RAB6A: variants seen among roughly 807,000 people sequenced by gnomAD.
RAB6A encodes ras-related protein Rab-6A.
In RAB6A, 8 loss-of-function variants were observed where a neutral mutation model predicts 32.3. The observed-to-expected ratio is 0.25, with a 90% CI of 0.15 to 0.45. RAB6A has a LOEUF of 0.45. Among genes scored for constraint, RAB6A ranks in the 20% least tolerant of loss-of-function variants. RAB6A has a pLI of 1.00. For missense variants in RAB6A, 104 were observed against 249.4 expected (o/e 0.42, Z 3.93); for synonymous variants, 73 against 82.1 (o/e 0.89, Z 0.60).
chr11:73,742,767 C>G (rs1380211010), intron 1 of RAB6A, among the ~76,000 whole-genome samples: 1 of 151,896 alleles, frequency 6.6e-6, no homozygotes, highest in Non-Finnish European at 1.5e-5. Context: ...TCGAGATTGC[C>G]CCATTGACTC....
intron 1 of RAB6A, among the ~76,000 whole-genome samples, chr11:73,744,022 T>C (rs900518113): frequency 2.0e-5 from 3 of 151,932 alleles, no homozygotes; most frequent in African/African-American, 4.8e-5. Context: ...ATGGACAACA[T>C]GGCAAGACCC....
rs1368458188 is a variant in RAB6A at position 73,676,401 on chromosome 11, T to C, written c.*1497A>G. ...AGGGCACACTCCTAGTATATTTGTT[T>C]GCAGTGTTTTAAGGGAAATACATAT... On this transcript the variant is annotated 3_prime_UTR_variant, in exon 8 of 8. Coordinates refer to ENST00000336083, the MANE Select transcript of RAB6A (RefSeq NM_198896.2). 1.2e-5 allele frequency: 2 copies of C among 167,020 alleles called. No individual in the cohort carries two copies. The highest frequency in any genetic ancestry group is 1.3e-4 in the Admixed American group (2 of 15,274). The allele number at this position is 167,020 out of a possible 1,614,324, so 10.3% of individuals were successfully genotyped here.
chr11:73,723,580 C>T (rs376272186), intron 2 of RAB6A, among the ~76,000 whole-genome samples: 42 of 152,142 alleles, frequency 2.8e-4, no homozygotes, highest in Non-Finnish European at 1.3e-4. Flanking sequence ...CTGCCCACCT[C>T]GGCCTCCCAA....
chr11:73,758,538 G>C (rs61903178), intron 1 of RAB6A, among the ~76,000 whole-genome samples: 24 of 152,026 alleles, frequency 1.6e-4, no homozygotes, highest in Non-Finnish European at 3.5e-4. Flanking sequence ...GGAGGGGGGA[G>C]GGTAGTAGAG....
intron 1 of RAB6A, among the ~76,000 whole-genome samples, chr11:73,744,856 T>C (rs545554221): frequency 6.6e-6 from 1 of 151,748 alleles, no homozygotes; most frequent in Non-Finnish European, 1.5e-5. Context: ...ACACCTGTAG[T>C]CCCAGCTACT....
At chr11:73,726,423 A>G (rs1946221709) in intron 2 of RAB6A, among the ~76,000 whole-genome samples, 1 of 151,524 alleles carries the variant, frequency 6.6e-6, no homozygotes, top group South Asian at 2.1e-4. Context: ...TCTACTAAAA[A>G]TACAAAAAAT....
intron 1 of RAB6A, among the ~76,000 whole-genome samples, chr11:73,744,011 C>T (rs762975521): frequency 2.0e-5 from 3 of 152,034 alleles, no homozygotes; most frequent in Non-Finnish European, 4.4e-5. Context: ...AAAAGTTCAA[C>T]ATGGACAACA....
chr11:73,739,263 T>TAAAAAAAAA (rs58629008), intron 1 of RAB6A, among the ~76,000 whole-genome samples: 13 of 9,380 alleles, frequency 1.4e-3, no homozygotes, highest in African/African-American at 2.9e-3. Flanking sequence ...TAATAATAAT[T>TAAAAAAAAA]AAAAAAAAAA....
intron 5 of RAB6A, among the ~76,000 whole-genome samples, chr11:73,709,320 G>A (rs1187248915): frequency 6.6e-6 from 1 of 151,738 alleles, no homozygotes; most frequent in African/African-American, 2.4e-5. Flanking sequence ...TGGTTATCCT[G>A]AGGTACTTAG....
At chr11:73,701,968 A>T (rs1945753129) in intron 6 of RAB6A, among the ~76,000 whole-genome samples, 1 of 152,136 alleles carries the variant, frequency 6.6e-6, no homozygotes, top group African/African-American at 2.4e-5. Flanking sequence ...TTCTTTACAT[A>T]CAAAAAGTCA....
chr11:73,739,263 TAA>T (rs58629008), intron 1 of RAB6A, among the ~76,000 whole-genome samples: 1,484 of 9,384 alleles, frequency 0.16, 139 homozygotes, highest in Middle Eastern at 0.28. Context: ...TAATAATAAT[TAA>T]AAAAAAAAAA....
In RAB6A at chr11:73,676,244, T is replaced by C. The variant is rs1467286041; in HGVS notation, c.*1654A>G. ...CTTTTCATCTTTATACTGTGTTAAG[T>C]AATGCTTACAACATAAATTCAGCAG... On this transcript the variant is annotated 3_prime_UTR_variant, in exon 8 of 8. Transcript: ENST00000336083. 2 of 167,114 alleles carry C rather than the reference T, an allele frequency of 1.2e-5. No individual in the cohort carries two copies. The highest frequency in any genetic ancestry group is 4.8e-5 in the African/African-American group (2 of 41,460). The allele number at this position is 167,114 out of a possible 1,614,324, so 10.4% of individuals were successfully genotyped here. A position where few individuals can be genotyped will look rare whatever the true frequency, so the allele number is the denominator to read the frequency against.
At position 73,760,752 on chromosome 11, in the gene RAB6A, T is replaced by A; in HGVS notation, c.-117A>T. ...GCGGGCACCGAGCTCTCTCGGCCCC[T>A]GCAAGGCCCGGTGGAGGAGCCCGGC... On this transcript the variant is annotated 5_prime_UTR_variant, in exon 1 of 8. Transcript: ENST00000336083. 5 of 1,433,288 alleles carry A rather than the reference T, an allele frequency of 3.5e-6. No individual in the cohort carries two copies. Among genetic ancestry groups the A allele is most frequent in the Non-Finnish European group, 4.7e-6 (5 of 1,055,750 alleles). The allele number at this position is 1,433,288 out of a possible 1,614,324, so 88.8% of individuals were successfully genotyped here. A position where few individuals can be genotyped will look rare whatever the true frequency, so the allele number is the denominator to read the frequency against.
chr11:73,688,670 A>C (rs1945497819), intron 6 of RAB6A, among the ~76,000 whole-genome samples: 1 of 152,198 alleles, frequency 6.6e-6, no homozygotes, highest in African/African-American at 2.4e-5. Context: ...TCTTACCCCC[A>C]AATAACATTC....
intron 6 of RAB6A, among the ~76,000 whole-genome samples, chr11:73,689,158 CTA>C (rs1010106527): frequency 1.4e-4 from 21 of 152,228 alleles, no homozygotes; most frequent in African/African-American, 5.1e-4. Flanking sequence ...GGGCAGCCAC[CTA>C]TGAGACTTCA....
At chr11:73,721,469 G>A (rs1946132089) in intron 2 of RAB6A, among the ~76,000 whole-genome samples, 1 of 152,080 alleles carries the variant, frequency 6.6e-6, no homozygotes, top group African/African-American at 2.4e-5. Context: ...TCCTTCTGTG[G>A]TGAAAACAAA....
At chr11:73,760,483 CCTCCGCGGACGGAAGGGCCG>C in intron 1 of RAB6A, 63 bp downstream of exon 1, 2 of 1,496,844 alleles carry the variant, frequency 1.3e-6, no homozygotes, top group East Asian at 5.0e-5. Context: ...GGGCAGGGAG[CCTCCGCGGACGGAAGGGCCG>C]CACCGGGGGC....
intron 1 of RAB6A, among the ~76,000 whole-genome samples, chr11:73,756,436 C>T (rs1946751213): frequency 6.6e-6 from 1 of 151,994 alleles, no homozygotes; most frequent in Non-Finnish European, 1.5e-5. Flanking sequence ...ATTTGATCAG[C>T]ATTGATGGAA....
intron 1 of RAB6A, among the ~76,000 whole-genome samples, chr11:73,739,778 C>A (rs567020184): frequency 6.6e-6 from 1 of 152,030 alleles, no homozygotes; most frequent in South Asian, 2.1e-4. Context: ...AGCCTCAGGC[C>A]GGGCCCGGTG....
Sources: gnomAD v4.1 joint callset for allele counts (sites outside exome capture counted in the v4.1 genomes callset) on GRCh38, gnomAD v4.1.1 for gene constraint, MANE v1.5 for transcripts, NCBI Gene and HGNC (gene_info 2026-07-23, HGNC 2026-07-21) for gene names.